The following CCDC175 variants were observed in gnomAD, a reference collection of about 807,000 sequenced individuals.
CCDC175 encodes coiled-coil domain-containing protein 175.
In CCDC175, 100 loss-of-function variants were observed where a neutral mutation model predicts 114.6. The ratio of observed to expected loss-of-function variants is 0.87; its 90% CI spans 0.74 to 1.03. The LOEUF (loss-of-function observed/expected upper bound fraction) is 1.03. Among genes scored for constraint, CCDC175 ranks in the 50% least tolerant of loss-of-function variants. The pLI is 0.00. For synonymous variants in CCDC175, 306 were observed against 308.7 expected (o/e 0.99, Z 0.09); for missense variants, 880 against 917.8 (o/e 0.96, Z 0.53).
intron 17 of CCDC175, among the ~76,000 whole-genome samples, chr14:59,519,589 G>T (rs1414029784): frequency 6.6e-6 from 1 of 152,202 alleles, no homozygotes; most frequent in East Asian, 1.9e-4. Context: ...ATTTTAACTG[G>T]ATAATAGGAA....
intron 7 of CCDC175, among the ~76,000 whole-genome samples, chr14:59,559,195 ATATACAACATTT>A (rs1896094001): frequency 6.6e-6 from 1 of 152,146 alleles, no homozygotes; most frequent in Non-Finnish European, 1.5e-5. Context: ...GATGTCATTT[ATATACAACATTT>A]AACTTTCACA....
In CCDC175 at chr14:59,574,868, A is replaced by C. The variant is rs904321399; in HGVS notation, c.243+75T>G. 17 of 766,158 alleles carry C rather than the reference A, an allele frequency of 2.2e-5. No individual in the cohort carries two copies. In the South Asian group the frequency reaches 3.0e-4, roughly 13 times the overall value. The allele number at this position is 766,158 out of a possible 1,614,324, so 47.5% of individuals were successfully genotyped here. On this transcript the variant is annotated intron_variant, in intron 2 of 19. Transcript: ENST00000537690. ...TAGTCATCTACTTAATACTTTGAAC[A>C]GAATTGGTGCGAAATGAAAGTTTGA...
intron 7 of CCDC175, among the ~76,000 whole-genome samples, chr14:59,553,266 T>G (rs1895643730): frequency 6.6e-6 from 1 of 152,224 alleles, no homozygotes; most frequent in Admixed American, 6.5e-5. Flanking sequence ...AGCTGATCTC[T>G]CAGCAGAAAC....
chr14:59,507,869 G>C (rs1033296816), intron 19 of CCDC175, among the ~76,000 whole-genome samples: 2 of 152,136 alleles, frequency 1.3e-5, no homozygotes, highest in Non-Finnish European at 2.9e-5. Flanking sequence ...GGAGCTGAAG[G>C]CCTGTGGGAT....
intron 10 of CCDC175, among the ~76,000 whole-genome samples, chr14:59,541,906 C>T (rs192018325): frequency 6.6e-5 from 10 of 152,238 alleles, no homozygotes; most frequent in African/African-American, 1.7e-4. Context: ...ATTAGTAGTT[C>T]GTAGTTTTCC....
In CCDC175 at chr14:59,532,036, TAGAA is replaced by T. The variant is rs902232415; in HGVS notation, c.1624-130_1624-127del. The T allele has an allele frequency of 7.0e-6, 4 of 574,650 alleles. No homozygotes were observed. The African/African-American group carries it at 7.6e-5, about 11-fold the overall frequency. 35.6% of individuals were successfully genotyped at this position (574,650 alleles called of 1,614,324 possible). A position where few individuals can be genotyped will look rare whatever the true frequency, so the allele number is the denominator to read the frequency against. ...TCTTGGTCTCCTATCCTGAGGTACA[TAGAA>T]AGACATATGGCATATACTAATCTTT... is the stretch of plus-strand genomic sequence containing the variant. On this transcript the variant is annotated intron_variant, in intron 13 of 19. Coordinates refer to ENST00000537690, the MANE Select transcript of CCDC175 (RefSeq NM_001164399.2).
At chr14:59,525,203 C>T in intron 16 of CCDC175, 79 bp downstream of exon 16, 3 of 1,110,238 alleles carry the variant, frequency 2.7e-6, no homozygotes, top group Non-Finnish European at 3.6e-6. Context: ...GAGCTATTCT[C>T]TTCTTTTCTC....
At chr14:59,518,000 C>T (rs1196070069) in intron 17 of CCDC175, among the ~76,000 whole-genome samples, 1 of 152,060 alleles carries the variant, frequency 6.6e-6, no homozygotes, top group Non-Finnish European at 1.5e-5. Context: ...CGAACAGAGC[C>T]CTCAGAAATA....
chr14:59,572,807 T>C lies in CCDC175; in HGVS notation c.250A>G (p.Met84Val), dbSNP rs1486309912. ...AAAAGATCGATTGTGGCTTTTCTCATTTCTTCCTGAAAATTTAAATTACAT... is the reference window on the plus strand; with the variant it reads ...AAAAGATCGATTGTGGCTTTTCTCACTTCTTCCTGAAAATTTAAATTACAT... ...IAVAVKKLEE[M>V]RKATIDLLEI... The change falls in exon 3 of 20, where the codon ATG becomes GTG. Residue 84 changes from methionine to valine, a missense_variant. By Grantham distance (21) the Met-to-Val change is conservative (BLOSUM62 1). Coordinates refer to ENST00000537690, the MANE Select transcript of CCDC175 (RefSeq NM_001164399.2). 3.3e-6 allele frequency: 5 copies of C among 1,495,494 alleles called. No individual in the cohort carries two copies. Among genetic ancestry groups the C allele is most frequent in the Non-Finnish European group, 4.4e-6 (5 of 1,132,746 alleles). The allele number at this position is 1,495,494 out of a possible 1,614,324, so 92.6% of individuals were successfully genotyped here.
chr14:59,535,530 AC>A lies in CCDC175; in HGVS notation c.1623+2492del, dbSNP rs1189822258. Among the ~76,000 whole-genome samples the A allele has an allele frequency of 3.9e-5, 6 of 152,058 alleles. No homozygotes were observed. The East Asian group carries it at 1.2e-3, about 29-fold the overall frequency. ...TCTGAGATACTGACCGCTTCTTAAC[AC>A]CTCTTTGGTTACCATTTTTGTTCAA... On this transcript the variant is annotated intron_variant, in intron 13 of 19. Coordinates refer to ENST00000537690, the MANE Select transcript of CCDC175 (RefSeq NM_001164399.2).
intron 8 of CCDC175, 110 bp downstream of exon 8, chr14:59,551,245 G>A: frequency 1.8e-6 from 1 of 553,300 alleles, no homozygotes; most frequent in Non-Finnish European, 3.0e-6. Flanking sequence ...CATATTATTG[G>A]TCAATGAAAA....
intron 7 of CCDC175, among the ~76,000 whole-genome samples, chr14:59,552,375 C>G (rs1488587221): frequency 1.3e-5 from 2 of 152,230 alleles, no homozygotes; most frequent in Non-Finnish European, 2.9e-5. Context: ...AGTGGACCTC[C>G]AGCAAACTCC....
At chr14:59,539,310 G>T (rs1894612466) in intron 11 of CCDC175, among the ~76,000 whole-genome samples, 1 of 152,242 alleles carries the variant, frequency 6.6e-6, no homozygotes, top group Non-Finnish European at 1.5e-5. Context: ...AGGCGCAGTG[G>T]CTCACGCCTA....
chr14:59,571,233 C>G (rs1896832296), intron 3 of CCDC175, among the ~76,000 whole-genome samples: 1 of 151,488 alleles, frequency 6.6e-6, no homozygotes, highest in Admixed American at 6.6e-5. Flanking sequence ...TAGGGAAAGC[C>G]TTCATGGCAT....
intron 8 of CCDC175, among the ~76,000 whole-genome samples, chr14:59,549,743 G>GA (rs930776734): frequency 2.9e-5 from 4 of 135,768 alleles, no homozygotes; most frequent in African/African-American, 8.3e-5. Context: ...AAAAGAAAAA[G>GA]AAAAAAAAGA....
chr14:59,533,320 A>T (rs914077224), intron 13 of CCDC175, among the ~76,000 whole-genome samples: 4 of 152,232 alleles, frequency 2.6e-5, no homozygotes, highest in Non-Finnish European at 5.9e-5. Context: ...ATCAGGAGTC[A>T]TTGTTATACA....
At position 59,544,773 on chromosome 14, in the gene CCDC175, G is replaced by C. The variant is rs550683326; in HGVS notation, c.1172+390C>G. ...AGCATATTATAAAGATGGGGCCTTT[G>C]GGGAAGTGATTAGGTTTGGATGAGG... On this transcript the variant is annotated intron_variant, in intron 9 of 19. Coordinates refer to ENST00000537690, the MANE Select transcript of CCDC175 (RefSeq NM_001164399.2). Among the ~76,000 whole-genome samples the C allele has an allele frequency of 3.3e-5, 5 of 152,266 alleles. No homozygotes were observed. In the East Asian group the frequency reaches 9.6e-4, roughly 29 times the overall value.
Position 59,568,317 on chromosome 14 carries a change from G to A in CCDC175, c.419C>T (p.Thr140Ile), listed in dbSNP as rs1420595215. The A allele has an allele frequency of 2.6e-6, 4 of 1,532,478 alleles. No homozygotes were observed. The East Asian group carries it at 7.4e-5, about 28-fold the overall frequency. The allele number at this position is 1,532,478 out of a possible 1,614,324, so 94.9% of individuals were successfully genotyped here. Residue 140 changes from threonine to isoleucine, a missense_variant, in exon 4 of 20, where the codon ACA becomes ATA. Physicochemically the swap from Thr to Ile is moderately conservative, Grantham distance 89. Transcript: ENST00000537690. ...AAGCTCTATTTCATTCTCTGTCCTT[G>A]TAATTCTCATTTTTATTGTATTTAT... is the stretch of plus-strand genomic sequence containing the variant. ...FEINTIKMRI[T>I]RTENEIELLK...
At chr14:59,519,340 A>G (rs1893292972) in intron 17 of CCDC175, among the ~76,000 whole-genome samples, 1 of 152,206 alleles carries the variant, frequency 6.6e-6, no homozygotes, top group South Asian at 2.1e-4. Flanking sequence ...TTCACTTGAA[A>G]TGAATTAGAA....
Sources: gnomAD v4.1 joint callset for allele counts (sites outside exome capture counted in the v4.1 genomes callset) on GRCh38, gnomAD v4.1.1 for gene constraint, MANE v1.5 for transcripts, NCBI Gene and HGNC (gene_info 2026-07-23, HGNC 2026-07-21) for gene names.